The following CSMD1 variants were observed in gnomAD, a reference collection of about 807,000 sequenced individuals.
CSMD1 encodes CUB and sushi domain-containing protein 1.
Under a neutral mutation model 417.5 loss-of-function variants are expected in CSMD1, and 213 were observed. The ratio of observed to expected loss-of-function variants is 0.51; its 90% confidence interval spans 0.46 to 0.57. CSMD1 has a LOEUF of 0.57. Among genes scored for constraint, CSMD1 ranks in the 20% least tolerant of loss-of-function variants. The probability of loss-of-function intolerance (pLI) is 0.00; values close to 1 mark genes in which losing one functional copy is unlikely to be tolerated. For synonymous variants in CSMD1, 2,862 were observed against 1,736.8 expected, an observed-to-expected ratio of 1.65 and a Z score of -16.11; for missense variants, 6,923 against 4,529.7, an observed-to-expected ratio of 1.53 and a Z score of -15.17.
At chr8:3,940,098 C>A (rs1810774053) in intron 5 of CSMD1, among the ~76,000 whole-genome samples, 1 of 151,946 alleles carries the variant, frequency 6.6e-6, no homozygotes, top group Non-Finnish European at 1.5e-5. Context: ...TGCAGATACG[C>A]CTTACACATT....
At chr8:4,414,234 A>G (rs1221534264) in intron 3 of CSMD1, among the ~76,000 whole-genome samples, 1 of 152,146 alleles carries the variant, frequency 6.6e-6, no homozygotes, top group African/African-American at 2.4e-5. Flanking sequence ...TGCTTGAGGG[A>G]TGTGTCAGAG....
At chr8:4,706,852 A>G (rs750438416) in intron 1 of CSMD1, among the ~76,000 whole-genome samples, 25 of 152,176 alleles carry the variant, frequency 1.6e-4, no homozygotes, top group Non-Finnish European at 3.2e-4. Flanking sequence ...AATGGGGGAA[A>G]CTTCTTACAA....
chr8:3,958,658 T>C (rs757816734), intron 5 of CSMD1, among the ~76,000 whole-genome samples: 3 of 152,118 alleles, frequency 2.0e-5, no homozygotes, highest in Non-Finnish European at 4.4e-5. Context: ...AATTAGCCTA[T>C]AAAAACAAAA....
At chr8:3,096,818 T>G in intron 47 of CSMD1, 31 bp downstream of exon 47, 1 of 1,378,436 alleles carries the variant, frequency 7.3e-7, no homozygotes, top group Non-Finnish European at 9.9e-7. Context: ...GATGCCGAGG[T>G]CACTGCTCTA....
At chr8:4,116,709 G>A (rs200662965) in intron 3 of CSMD1, among the ~76,000 whole-genome samples, 17 of 152,070 alleles carry the variant, frequency 1.1e-4, no homozygotes, top group East Asian at 7.7e-4. Flanking sequence ...AACGCGCCAT[G>A]CAGCAGGGCA....
intron 5 of CSMD1, among the ~76,000 whole-genome samples, chr8:3,812,801 G>C (rs544256616): frequency 5.3e-5 from 8 of 152,138 alleles, no homozygotes; most frequent in Non-Finnish European, 1.2e-4. Flanking sequence ...TGAATTAACT[G>C]TCTTTCCTTT....
chr8:4,424,552 C>T (rs995259633), intron 2 of CSMD1, among the ~76,000 whole-genome samples: 1 of 152,028 alleles, frequency 6.6e-6, no homozygotes, highest in Admixed American at 6.6e-5. Flanking sequence ...GACAACATCA[C>T]ATGCTGGCTA....
chr8:4,245,467 C>G (rs1249072575), intron 3 of CSMD1, among the ~76,000 whole-genome samples: 1 of 152,138 alleles, frequency 6.6e-6, no homozygotes, highest in Non-Finnish European at 1.5e-5. Flanking sequence ...AGACACCCAA[C>G]TCAGCAAACA....
chr8:3,552,820 A>T (rs540153920), intron 10 of CSMD1, among the ~76,000 whole-genome samples: 19 of 152,290 alleles, frequency 1.2e-4, no homozygotes, highest in African/African-American at 4.3e-4. Context: ...TTAATTTTAA[A>T]ATTGTATAAT....
chr8:4,784,771 TTC>T (rs1473012810), intron 1 of CSMD1, among the ~76,000 whole-genome samples: 1 of 152,218 alleles, frequency 6.6e-6, no homozygotes, highest in Non-Finnish European at 1.5e-5. Flanking sequence ...TTAAACACAA[TTC>T]TCTCTTCATA....
At chr8:4,519,161 T>C (rs11136746) in intron 2 of CSMD1, among the ~76,000 whole-genome samples, 135,891 of 152,122 alleles carry the variant, frequency 0.89, 62,466 homozygotes, top group Non-Finnish European at 1. Flanking sequence ...GTTAAATTAT[T>C]TACCTCTTGC....
intron 8 of CSMD1, among the ~76,000 whole-genome samples, chr8:3,588,504 G>A (rs1331436466): frequency 6.6e-6 from 1 of 152,084 alleles, no homozygotes; most frequent in African/African-American, 2.4e-5. Context: ...GGGAAGCATT[G>A]CTTCAACTTA....
At chr8:4,616,018 G>T (rs1209997558) in intron 2 of CSMD1, among the ~76,000 whole-genome samples, 1 of 152,054 alleles carries the variant, frequency 6.6e-6, no homozygotes, top group African/African-American at 2.4e-5. Context: ...AATTCTCAAA[G>T]CAATTTTCGG....
chr8:4,039,471 T>C (rs908306647), intron 3 of CSMD1, among the ~76,000 whole-genome samples: 2 of 152,172 alleles, frequency 1.3e-5, no homozygotes, highest in African/African-American at 2.4e-5. Flanking sequence ...ATTTCTTCTC[T>C]TTACTGGCTC....
At chr8:3,920,398 G>A (rs1037585636) in intron 5 of CSMD1, among the ~76,000 whole-genome samples, 9 of 151,722 alleles carry the variant, frequency 5.9e-5, no homozygotes, top group African/African-American at 2.2e-4. Context: ...GACACTGTAG[G>A]TTCTTTTCTA....
At chr8:3,980,030 A>G (rs890155829) in intron 5 of CSMD1, among the ~76,000 whole-genome samples, 2 of 152,234 alleles carry the variant, frequency 1.3e-5, no homozygotes, top group African/African-American at 4.8e-5. Flanking sequence ...TCACATGGCA[A>G]TGGTTCAATT....
intron 3 of CSMD1, among the ~76,000 whole-genome samples, chr8:4,299,696 T>C (rs1797876852): frequency 6.6e-6 from 1 of 152,156 alleles, no homozygotes; most frequent in Non-Finnish European, 1.5e-5. Context: ...GCAGTGGCGA[T>C]CTTGGCTCAC....
intron 49 of CSMD1, among the ~76,000 whole-genome samples, chr8:3,086,020 T>C (rs1408417306): frequency 6.6e-6 from 1 of 152,156 alleles, no homozygotes; most frequent in African/African-American, 2.4e-5. Flanking sequence ...GTTTGGGCTG[T>C]GGTTCTGTCA....
At chr8:4,478,298 A>G (rs1408682269) in intron 2 of CSMD1, among the ~76,000 whole-genome samples, 1 of 152,210 alleles carries the variant, frequency 6.6e-6, no homozygotes, top group Admixed American at 6.5e-5. Context: ...AAAGCAACTC[A>G]AAGCAACATG....
Sources: gnomAD v4.1 joint callset for allele counts (sites outside exome capture counted in the v4.1 genomes callset) on GRCh38, gnomAD v4.1.1 for gene constraint, MANE v1.5 for transcripts, NCBI Gene and HGNC (gene_info 2026-07-23, HGNC 2026-07-21) for gene names.